Variants in EXT1 observed in about 807,000 individuals in gnomAD.
The protein encoded by EXT1 is exostosin-1.
EXT1 carries 20 observed loss-of-function variants against 82.5 expected under a neutral mutation model. The observed-to-expected ratio is 0.24, with a 90% CI of 0.17 to 0.35. The LOEUF is 0.35. EXT1 is among the 10% of genes least tolerant of loss of function. The probability of loss-of-function intolerance (pLI) is 1.00; values close to 1 mark genes in which losing one functional copy is unlikely to be tolerated. For missense variants in EXT1, 757 were observed against 936.5 expected (o/e 0.81, Z 2.50); for synonymous variants, 348 against 350.8 (o/e 0.99, Z 0.09).
At chr8:117,811,061 C>T (rs962355100) in intron 8 of EXT1, among the ~76,000 whole-genome samples, 1 of 152,172 alleles carries the variant, frequency 6.6e-6, no homozygotes, top group Non-Finnish European at 1.5e-5. Flanking sequence ...TGTCATTACT[C>T]ACCAGGTGCC....
At chr8:117,804,039 A>C (rs1823203842) in intron 10 of EXT1, among the ~76,000 whole-genome samples, 1 of 152,220 alleles carries the variant, frequency 6.6e-6, no homozygotes, top group African/African-American at 2.4e-5. Flanking sequence ...CTAGACATTA[A>C]ATAAGGTACC....
At chr8:118,082,562 T>C (rs1817351343) in intron 1 of EXT1, among the ~76,000 whole-genome samples, 1 of 152,118 alleles carries the variant, frequency 6.6e-6, no homozygotes, top group African/African-American at 2.4e-5. Flanking sequence ...GACAATAAGA[T>C]TGAGTAATCC....
chr8:117,837,260 G>T, intron 1 of EXT1, 59 bp from the exon 2 acceptor site: 2 of 1,389,364 alleles, frequency 1.4e-6, no homozygotes, highest in Non-Finnish European at 1.0e-6. Flanking sequence ...TGGGGATATT[G>T]ACCATAGGTG....
chr8:117,947,938 G>A (rs1044195962), intron 1 of EXT1, among the ~76,000 whole-genome samples: 1 of 152,168 alleles, frequency 6.6e-6, no homozygotes, highest in Non-Finnish European at 1.5e-5. Flanking sequence ...TCTCATTTAA[G>A]GAGGACTTTT....
intron 1 of EXT1, among the ~76,000 whole-genome samples, chr8:117,898,101 G>A (rs1586271758): frequency 1.3e-5 from 2 of 151,978 alleles, no homozygotes; most frequent in South Asian, 4.2e-4. Flanking sequence ...AATTTTTCTT[G>A]ACCCCAAAGT....
At chr8:118,094,409 T>C (rs1229125227) in intron 1 of EXT1, among the ~76,000 whole-genome samples, 1 of 152,200 alleles carries the variant, frequency 6.6e-6, no homozygotes, top group East Asian at 1.9e-4. Context: ...CACACTACAA[T>C]TATAATGAGC....
At chr8:117,876,296 AAGG>A (rs915332262) in intron 1 of EXT1, among the ~76,000 whole-genome samples, 2 of 152,232 alleles carry the variant, frequency 1.3e-5, no homozygotes, top group African/African-American at 4.8e-5. Flanking sequence ...ACAGAGAAAC[AAGG>A]AGTACTTGTG....
chr8:117,845,058 T>C (rs1349991390), intron 1 of EXT1, among the ~76,000 whole-genome samples: 1 of 152,164 alleles, frequency 6.6e-6, no homozygotes, highest in African/African-American at 2.4e-5. Flanking sequence ...CAGGAATTTA[T>C]ATTCACCCTT....
At chr8:117,842,182 A>G (rs918684674) in intron 1 of EXT1, among the ~76,000 whole-genome samples, 1 of 152,170 alleles carries the variant, frequency 6.6e-6, no homozygotes, top group Non-Finnish European at 1.5e-5. Context: ...ACACAGCAAA[A>G]CCTGGGTTCG....
chr8:117,935,606 T>C (rs1158351744), intron 1 of EXT1, among the ~76,000 whole-genome samples: 2 of 152,036 alleles, frequency 1.3e-5, no homozygotes, highest in Non-Finnish European at 2.9e-5. Context: ...AACAATCCTA[T>C]TGCCTCACTG....
chr8:118,067,590 G>A (rs1474801095), intron 1 of EXT1, among the ~76,000 whole-genome samples: 2 of 152,142 alleles, frequency 1.3e-5, no homozygotes, highest in South Asian at 2.1e-4. Flanking sequence ...AACGTGAAGC[G>A]GTTTCATCCT....
intron 1 of EXT1, among the ~76,000 whole-genome samples, chr8:118,031,583 CTAATT>C (rs1005037511): frequency 1.3e-5 from 2 of 151,496 alleles, no homozygotes; most frequent in African/African-American, 4.9e-5. Flanking sequence ...AAGTCAGTGA[CTAATT>C]TAAAGTTAAA....
At chr8:117,891,638 AAC>A (rs1274037912) in intron 1 of EXT1, among the ~76,000 whole-genome samples, 1 of 152,156 alleles carries the variant, frequency 6.6e-6, no homozygotes, top group African/African-American at 2.4e-5. Flanking sequence ...GAAGTCACTG[AAC>A]ACAGTTGTAT....
At chr8:118,058,093 TA>T (rs1816825049) in intron 1 of EXT1, among the ~76,000 whole-genome samples, 1 of 151,918 alleles carries the variant, frequency 6.6e-6, no homozygotes, top group Non-Finnish European at 1.5e-5. Context: ...AATGACAATG[TA>T]TCTCCCAACA....
chr8:118,003,258 TGGGA>T (rs1815709150), intron 1 of EXT1, among the ~76,000 whole-genome samples: 1 of 151,250 alleles, frequency 6.6e-6, no homozygotes. Flanking sequence ...GAGGAAAGAG[TGGGA>T]GAGGGATGAG....
At chr8:118,094,839 T>C (rs934705355) in intron 1 of EXT1, among the ~76,000 whole-genome samples, 3 of 152,216 alleles carry the variant, frequency 2.0e-5, no homozygotes, top group African/African-American at 4.8e-5. Flanking sequence ...CTTGGGCAAA[T>C]TGCTCAACCT....
intron 1 of EXT1, among the ~76,000 whole-genome samples, chr8:117,856,271 G>A (rs949921551): frequency 6.7e-6 from 1 of 150,116 alleles, no homozygotes; most frequent in Non-Finnish European, 1.5e-5. Context: ...TTTTTTTGTG[G>A]GGGGACGGAG....
In EXT1 at chr8:117,798,241, G is replaced by A. The variant is rs1216111761; in HGVS notation, c.*1471C>T. The stretch of plus-strand genomic sequence containing the variant: ...AATGGAAAAGAAATATGAAATGTAT[G>A]AGAGTTTGAGGGAGGGACTCTAAAG... On this transcript the variant is annotated 3_prime_UTR_variant, in exon 11 of 11. Coordinates refer to ENST00000378204, the MANE Select transcript of EXT1 (RefSeq NM_000127.3). 2 of 152,162 alleles carry A rather than the reference G, an allele frequency of 1.3e-5. No homozygotes were observed. Among genetic ancestry groups the A allele is most frequent in the African/African-American group, 4.8e-5 (2 of 41,442 alleles). The allele number at this position is 152,162 out of a possible 1,614,324, so 9.4% of individuals were successfully genotyped here.
chr8:117,803,560 T>C (rs1490149183), intron 10 of EXT1, among the ~76,000 whole-genome samples: 1 of 152,084 alleles, frequency 6.6e-6, no homozygotes, highest in African/African-American at 2.4e-5. Flanking sequence ...TAGATGAAAT[T>C]CGGCATATCC....
Sources: gnomAD v4.1 joint callset for allele counts (sites outside exome capture counted in the v4.1 genomes callset) on GRCh38, gnomAD v4.1.1 for gene constraint, MANE v1.5 for transcripts, NCBI Gene and HGNC (gene_info 2026-07-23, HGNC 2026-07-21) for gene names.